Variants in NXPH1 observed in about 807,000 individuals in gnomAD.
The protein encoded by NXPH1 is neurexophilin-1.
In NXPH1, 5 loss-of-function variants were observed where a neutral mutation model predicts 23.7. The observed-to-expected ratio is 0.21, with a 90% CI of 0.11 to 0.44. NXPH1 has a LOEUF of 0.44. Ranked by LOEUF, NXPH1 falls within the 20% of genes least tolerant of loss-of-function variation. The pLI is 0.99. For missense variants in NXPH1, 324 were observed against 321.6 expected (o/e 1.01, Z -0.06); for synonymous variants, 144 against 122.2 (o/e 1.18, Z -1.18).
rs28715836 is a variant in NXPH1, at chr7:8,617,772, C to T, written c.55-133236C>T. 9.9e-3 allele frequency among the ~76,000 whole-genome samples: 1,500 copies of T among 152,094 alleles called. 27 individuals carry two copies. The highest frequency in any genetic ancestry group is 0.034 in the African/African-American group (1,425 of 41,516). ...TATAGTCAATAATAACGTAATTGTA[C>T]GTTTTAAAACAACTTAAAGAGTATA... is the stretch of plus-strand genomic sequence containing the variant. On this transcript the variant is annotated intron_variant, in intron 2 of 2. Transcript: ENST00000405863.
intron 2 of NXPH1, among the ~76,000 whole-genome samples, chr7:8,575,962 CT>C (rs1458972316): frequency 1.8e-4 from 27 of 152,120 alleles, no homozygotes; most frequent in Non-Finnish European, 2.6e-4. Context: ...TATCAACAAA[CT>C]TATATTTCAA....
chr7:8,641,332 G>A (rs1396130620), intron 2 of NXPH1, among the ~76,000 whole-genome samples: 1 of 152,160 alleles, frequency 6.6e-6, no homozygotes, highest in Non-Finnish European at 1.5e-5. Context: ...GTGTGCGGGA[G>A]CAAGCTTGTG....
chr7:8,697,157 CAAAAAAAAAA>C (rs139349283), intron 2 of NXPH1, among the ~76,000 whole-genome samples: 110 of 104,852 alleles, frequency 1.0e-3, no homozygotes, highest in African/African-American at 3.8e-3. Context: ...GATTCTGTTT[CAAAAAAAAAA>C]AAAAAAAAAA....
intron 2 of NXPH1, among the ~76,000 whole-genome samples, chr7:8,655,400 T>TTCTCTC (rs869162322): frequency 0.019 from 830 of 42,594 alleles, 7 homozygotes; most frequent in South Asian, 0.034. Flanking sequence ...GTCTTTGTCT[T>TTCTCTC]TCTCTCTCTC....
At position 8,743,706 on chromosome 7, in the gene NXPH1, T is replaced by C. The variant is rs1321877172; in HGVS notation, c.55-7302T>C. On this transcript the variant is annotated intron_variant, in intron 2 of 2. Coordinates refer to ENST00000405863, the MANE Select transcript of NXPH1 (RefSeq NM_152745.3). ...TTTCTTTTCTTTTTTTTTTTTGAGA[T>C]TGAGTCTCGCTCTGTGGCCCAGGCT... Among the ~76,000 whole-genome samples the C allele has an allele frequency of 3.4e-5, 5 of 148,034 alleles. 1 individual carries two copies. The highest frequency in any genetic ancestry group is 7.4e-5 in the Non-Finnish European group (5 of 67,344).
At chr7:8,475,139 A>G (rs912879629) in intron 2 of NXPH1, among the ~76,000 whole-genome samples, 7 of 152,002 alleles carry the variant, frequency 4.6e-5, no homozygotes, top group African/African-American at 1.5e-4. Context: ...TCACCTCTAC[A>G]TTCCTAGATT....
At chr7:8,618,493 C>T (rs529339514) in intron 2 of NXPH1, among the ~76,000 whole-genome samples, 1 of 152,242 alleles carries the variant, frequency 6.6e-6, no homozygotes, top group Admixed American at 6.5e-5. Context: ...GAGCTCAAAG[C>T]ACTTTCACAT....
At chr7:8,735,194 G>A (rs938099986) in intron 2 of NXPH1, among the ~76,000 whole-genome samples, 3 of 152,176 alleles carry the variant, frequency 2.0e-5, no homozygotes, top group African/African-American at 7.2e-5. Context: ...TAGGAGTGGT[G>A]AGTGAGGGCA....
intron 2 of NXPH1, among the ~76,000 whole-genome samples, chr7:8,654,438 C>T (rs1469111579): frequency 6.6e-6 from 1 of 152,116 alleles, no homozygotes; most frequent in Non-Finnish European, 1.5e-5. Flanking sequence ...GAATTTTCAC[C>T]ACTAAAACCA....
intron 2 of NXPH1, among the ~76,000 whole-genome samples, chr7:8,721,212 C>T (rs1035317810): frequency 4.6e-5 from 7 of 152,052 alleles, no homozygotes; most frequent in African/African-American, 1.7e-4. Context: ...AAGTTACTCT[C>T]AAAATGGCTC....
At chr7:8,598,807 T>C (rs559514485) in intron 2 of NXPH1, among the ~76,000 whole-genome samples, 3 of 152,274 alleles carry the variant, frequency 2.0e-5, no homozygotes, top group Admixed American at 2.0e-4. Context: ...TTTCAGTTAC[T>C]CCTTTTTTCT....
chr7:8,477,606 A>G (rs1404353302), intron 2 of NXPH1, among the ~76,000 whole-genome samples: 1 of 152,114 alleles, frequency 6.6e-6, no homozygotes, highest in Non-Finnish European at 1.5e-5. Flanking sequence ...TGCGCCTCTT[A>G]ACGTAATTCT....
intron 2 of NXPH1, among the ~76,000 whole-genome samples, chr7:8,661,683 T>G (rs1405475461): frequency 6.6e-6 from 1 of 152,174 alleles, no homozygotes; most frequent in African/African-American, 2.4e-5. Flanking sequence ...TTTATGACTT[T>G]GGTTCAATTA....
At chr7:8,651,575 T>C (rs189148657) in intron 2 of NXPH1, among the ~76,000 whole-genome samples, 35 of 152,188 alleles carry the variant, frequency 2.3e-4, no homozygotes, top group Middle Eastern at 3.4e-3. Context: ...TGAACTAGTT[T>C]ACAGTCCCAC....
chr7:8,545,313 T>C (rs2128618935), intron 2 of NXPH1, among the ~76,000 whole-genome samples: 1 of 151,638 alleles, frequency 6.6e-6, no homozygotes, highest in East Asian at 2.0e-4. Flanking sequence ...GGCCAGTTGA[T>C]CTTGTACATG....
chr7:8,677,532 A>G (rs1401180596), intron 2 of NXPH1, among the ~76,000 whole-genome samples: 1 of 152,174 alleles, frequency 6.6e-6, no homozygotes. Flanking sequence ...TTCCCCAGAG[A>G]GGAAAAGAGG....
rs539060623 is a variant in NXPH1, at chr7:8,453,717, C to G, written c.54+17950C>G. The stretch of plus-strand genomic sequence containing the variant: ...GTTGGTTCACTAAGGATAACGGCTT[C>G]CAGCTCTACCCATGTCCCTGCAAAG... On this transcript the variant is annotated intron_variant, in intron 2 of 2. Transcript: ENST00000405863. Among the ~76,000 whole-genome samples, 4 of 152,078 alleles carry G rather than the reference C, an allele frequency of 2.6e-5. No homozygotes were observed. In the East Asian group the frequency reaches 7.7e-4, roughly 29 times the overall value.
chr7:8,555,524 C>T (rs1242401784), intron 2 of NXPH1, among the ~76,000 whole-genome samples: 1 of 151,574 alleles, frequency 6.6e-6, no homozygotes, highest in Non-Finnish European at 1.5e-5. Flanking sequence ...TTTCAGGTTG[C>T]TTGTCTTTGA....
chr7:8,452,426 C>T (rs1368891468), intron 2 of NXPH1, among the ~76,000 whole-genome samples: 7 of 152,158 alleles, frequency 4.6e-5, no homozygotes, highest in Non-Finnish European at 1.0e-4. Flanking sequence ...CCACTGAAGG[C>T]ATTTTTATCT....
Sources: gnomAD v4.1 joint callset for allele counts (sites outside exome capture counted in the v4.1 genomes callset) on GRCh38, gnomAD v4.1.1 for gene constraint, MANE v1.5 for transcripts, NCBI Gene and HGNC (gene_info 2026-07-23, HGNC 2026-07-21) for gene names.